Variants in ACBD7 observed in about 807,000 individuals in gnomAD.
ACBD7 encodes the protein acyl-CoA binding domain containing 7.
ACBD7 carries 11 observed loss-of-function variants against 13.7 expected under a neutral mutation model. The ratio of observed to expected loss-of-function variants is 0.80; its 90% CI spans 0.50 to 1.33. ACBD7 has a LOEUF of 1.33. Among genes scored for constraint, ACBD7 ranks in the 40% most tolerant of loss-of-function variants. The pLI is 0.00. For missense variants in ACBD7, 111 were observed against 103.0 expected, an observed-to-expected ratio of 1.08 and a Z score of -0.33; for synonymous variants, 43 against 37.7, an observed-to-expected ratio of 1.14 and a Z score of -0.51.
Position 15,076,592 on chromosome 10 carries a change from T to C in ACBD7, c.*1938A>G. 5.1e-5 allele frequency: 35 copies of C among 692,838 alleles called. No homozygotes were observed. The highest frequency in any genetic ancestry group is 6.0e-5 in the Non-Finnish European group (34 of 563,600). The allele number at this position is 692,838 out of a possible 1,614,324, so 42.9% of individuals were successfully genotyped here. On this transcript the variant is annotated 3_prime_UTR_variant, in exon 4 of 4. Coordinates refer to ENST00000356189, the MANE Select transcript of ACBD7 (RefSeq NM_001039844.3). ...ATCTTGGCTCACTGCAACCTCCATC[T>C]CCTGGGTAAAAGCAATTCTCCTGCC...
In ACBD7 at chr10:15,081,338, T is replaced by C. The variant is rs139876288; in HGVS notation, c.13-2298A>G. On this transcript the variant is annotated intron_variant, in intron 1 of 3. Coordinates refer to ENST00000356189, the MANE Select transcript of ACBD7 (RefSeq NM_001039844.3). ...CCCATTTAGGATTAAACAAGTTTTA[T>C]TGGGGTCTGAAGGAACTCCCCAACC... is the stretch of plus-strand genomic sequence containing the variant. Among the ~76,000 whole-genome samples, 525 of 152,244 alleles carry C rather than the reference T, an allele frequency of 3.4e-3. 3 individuals carry two copies. The highest frequency in any genetic ancestry group is 0.026 in the Admixed American group (391 of 15,274).
At position 15,075,847 on chromosome 10, in the gene ACBD7, A is replaced by T. The variant is rs1221358383; in HGVS notation, c.*2683T>A. On this transcript the variant is annotated 3_prime_UTR_variant, in exon 4 of 4. Coordinates refer to ENST00000356189, the MANE Select transcript of ACBD7 (RefSeq NM_001039844.3). Reference sequence around the variant, plus strand: ...AAATTAGCTGGGCATGGTTGCACGCACCTGTAGTCCCAGCTACTCTGGAGG... The same window carrying T: ...AAATTAGCTGGGCATGGTTGCACGCTCCTGTAGTCCCAGCTACTCTGGAGG... Among the ~76,000 whole-genome samples the T allele has an allele frequency of 6.6e-6, 1 of 151,816 alleles. No homozygotes were observed. Among genetic ancestry groups the T allele is most frequent in the African/African-American group, 2.4e-5 (1 of 41,302 alleles).
intron 1 of ACBD7, among the ~76,000 whole-genome samples, chr10:15,087,028 A>T (rs1432895449): frequency 6.6e-6 from 1 of 151,704 alleles, no homozygotes; most frequent in East Asian, 1.9e-4. Context: ...AAAAAAAAAA[A>T]AAATAGCCAG....
Position 15,076,791 on chromosome 10 carries a change from C to A in ACBD7, c.*1739G>T, listed in dbSNP as rs1178803666. 1 of 985,250 alleles carries A rather than the reference C, an allele frequency of 1.0e-6. No individual in the cohort carries two copies. The highest frequency in any genetic ancestry group is 1.2e-6 in the Non-Finnish European group (1 of 829,898). The allele number at this position is 985,250 out of a possible 1,614,324, so 61.0% of individuals were successfully genotyped here. ...GTGCTGAGATTAGAGGCGTGAGCCA[C>A]CACGCTCAGCCTTGCCATTGATTCT... On this transcript the variant is annotated 3_prime_UTR_variant, in exon 4 of 4. Coordinates refer to ENST00000356189, the MANE Select transcript of ACBD7 (RefSeq NM_001039844.3).
rs376751976 is a variant in ACBD7 at position 15,087,458 on chromosome 10, T to C, written c.12+1259A>G. On this transcript the variant is annotated intron_variant, in intron 1 of 3. Coordinates refer to ENST00000356189, the MANE Select transcript of ACBD7 (RefSeq NM_001039844.3). Reference sequence around the variant, plus strand: ...ATGGTTAAAGAAGTGAGCCACGTTCTATGAAATTTTGTGCATGTAAAAGAT... The same window carrying C: ...ATGGTTAAAGAAGTGAGCCACGTTCCATGAAATTTTGTGCATGTAAAAGAT... 4.6e-5 allele frequency among the ~76,000 whole-genome samples: 7 copies of C among 152,302 alleles called. No homozygotes were observed. The East Asian group carries it at 1.2e-3, about 25-fold the overall frequency.
chr10:15,083,218 T>C (rs1157940897), intron 1 of ACBD7, among the ~76,000 whole-genome samples: 1 of 152,178 alleles, frequency 6.6e-6, no homozygotes. Flanking sequence ...GTCTAGCCTG[T>C]CTGGTTCTGG....
Position 15,076,996 on chromosome 10 carries a change from A to T in ACBD7, c.*1534T>A. The T allele has an allele frequency of 5.5e-6, 5 of 915,260 alleles. No individual in the cohort carries two copies. Among genetic ancestry groups the T allele is most frequent in the Non-Finnish European group, 6.5e-6 (5 of 766,102 alleles). The allele number at this position is 915,260 out of a possible 1,614,324, so 56.7% of individuals were successfully genotyped here. A position where few individuals can be genotyped will look rare whatever the true frequency, so the allele number is the denominator to read the frequency against. The stretch of plus-strand genomic sequence containing the variant: ...TTATACACTATTGGTGGGAATGTAA[A>T]TTAGTACAACCTCTATGAAAAACAG... On this transcript the variant is annotated 3_prime_UTR_variant, in exon 4 of 4. Coordinates refer to ENST00000356189, the MANE Select transcript of ACBD7 (RefSeq NM_001039844.3).
rs10541297 is a variant in ACBD7 at position 15,075,976 on chromosome 10, C to CAAAAAAAAAA, written c.*2544_*2553dup. 2.4e-4 allele frequency: 74 copies of CAAAAAAAAAA among 313,708 alleles called. No homozygotes were observed. The highest frequency in any genetic ancestry group is 4.2e-4 in the East Asian group (2 of 4,732). The allele number at this position is 313,708 out of a possible 1,614,324, so 19.4% of individuals were successfully genotyped here. On this transcript the variant is annotated 3_prime_UTR_variant, in exon 4 of 4. Transcript: ENST00000356189. ...GTAACAGAGTGACAGCCTGTCTCAA[C>CAAAAAAAAAA]AAAAAAAAAAAAAAAAAAAAAGAAA...
At position 15,078,767 on chromosome 10, in the gene ACBD7, G is replaced by A; in HGVS notation, c.131-14C>T. The A allele has an allele frequency of 6.2e-7, 1 of 1,613,356 alleles. No homozygotes were observed. Among genetic ancestry groups the A allele is most frequent in the Non-Finnish European group, 8.5e-7 (1 of 1,179,660 alleles). On this transcript the variant is annotated splice_polypyrimidine_tract_variant and intron_variant, in intron 2 of 3. Coordinates refer to ENST00000356189, the MANE Select transcript of ACBD7 (RefSeq NM_001039844.3). ...TTCCTGGACACGCTGGCAAAAGAAGGAGACATGCATTTGCAGGTTAACATT... is the reference window on the plus strand; with the variant it reads ...TTCCTGGACACGCTGGCAAAAGAAGAAGACATGCATTTGCAGGTTAACATT...
chr10:15,080,013 G>A (rs996027321), intron 1 of ACBD7, among the ~76,000 whole-genome samples: 8 of 151,276 alleles, frequency 5.3e-5, no homozygotes, highest in Non-Finnish European at 8.8e-5. Context: ...TAATACCATC[G>A]TCTAGGGCGT....
rs369003032 is a variant in ACBD7 at position 15,078,680 on chromosome 10, G to A, written c.193+11C>T. The A allele has an allele frequency of 5.0e-6, 8 of 1,613,988 alleles. No homozygotes were observed. Among genetic ancestry groups the A allele is most frequent in the Non-Finnish European group, 6.8e-6 (8 of 1,179,978 alleles). On this transcript the variant is annotated intron_variant, in intron 3 of 3. Coordinates refer to ENST00000356189, the MANE Select transcript of ACBD7 (RefSeq NM_001039844.3). ...GAAAGTTTGCTTTAAACTTGTGAAA[G>A]ACTAAAAAACCTTTTTTGAGGTTCC...
At chr10:15,087,771 C>T (rs1336051968) in intron 1 of ACBD7, among the ~76,000 whole-genome samples, 3 of 148,756 alleles carry the variant, frequency 2.0e-5, no homozygotes, top group African/African-American at 7.5e-5. Context: ...GAGTGAGACT[C>T]CATCTCAAAC....
Position 15,075,976 on chromosome 10 carries a change from CAAAAAAAAAAA to C in ACBD7, c.*2543_*2553del, listed in dbSNP as rs10541297. ...GTAACAGAGTGACAGCCTGTCTCAA[CAAAAAAAAAAA>C]AAAAAAAAAAGAAAAGAAAAAGAAT... On this transcript the variant is annotated 3_prime_UTR_variant, in exon 4 of 4. Coordinates refer to ENST00000356189, the MANE Select transcript of ACBD7 (RefSeq NM_001039844.3). 6.4e-6 allele frequency: 2 copies of C among 313,720 alleles called. No homozygotes were observed. The highest frequency in any genetic ancestry group is 8.3e-6 in the Non-Finnish European group (2 of 240,806). 19.4% of individuals were successfully genotyped at this position (313,720 alleles called of 1,614,324 possible).
chr10:15,078,604 C>G lies in ACBD7; in HGVS notation c.194-1G>C. Reference sequence around the variant, plus strand: ...CTCGTCGCATCTTCCGTCGACAACCCTAGAAAGATACAAACAGGTTATCTC... The same window carrying G: ...CTCGTCGCATCTTCCGTCGACAACCGTAGAAAGATACAAACAGGTTATCTC... On this transcript the variant is annotated splice_acceptor_variant, in intron 3 of 3. Coordinates refer to ENST00000356189, the MANE Select transcript of ACBD7 (RefSeq NM_001039844.3). LOFTEE classifies it high-confidence loss of function. 6.2e-7 allele frequency: 1 copy of G among 1,614,094 alleles called. No homozygotes were observed. The highest frequency in any genetic ancestry group is 8.5e-7 in the Non-Finnish European group (1 of 1,180,008).
intron 1 of ACBD7, among the ~76,000 whole-genome samples, 170 bp from the exon 2 acceptor site, chr10:15,079,210 T>G (rs150411058): frequency 1.3e-5 from 2 of 152,040 alleles, no homozygotes; most frequent in African/African-American, 2.4e-5. Context: ...CTCCTGGGAC[T>G]TACCTAATAT....
intron 1 of ACBD7, chr10:15,088,361 C>T: frequency 2.4e-6 from 1 of 421,200 alleles, no homozygotes; most frequent in Non-Finnish European, 4.2e-6. Flanking sequence ...CTCAGTATGA[C>T]ACTAAGAGAG....
intron 1 of ACBD7, among the ~76,000 whole-genome samples, chr10:15,086,300 C>T (rs1844807460): frequency 6.7e-6 from 1 of 150,214 alleles, no homozygotes; most frequent in South Asian, 2.1e-4. Flanking sequence ...GAGCAAGACA[C>T]CATCTCAAAA....
intron 2 of ACBD7, 51 bp downstream of exon 2, chr10:15,078,872 A>C (rs1219348505): frequency 8.2e-7 from 1 of 1,226,252 alleles, no homozygotes; most frequent in Non-Finnish European, 1.1e-6. Flanking sequence ...AATCGCAATT[A>C]ATATATTAAT....
At chr10:15,083,684 T>C (rs1365087126) in intron 1 of ACBD7, among the ~76,000 whole-genome samples, 1 of 152,166 alleles carries the variant, frequency 6.6e-6, no homozygotes, top group East Asian at 1.9e-4. Flanking sequence ...GGTTTTGCCA[T>C]GTTGGCCAAG....
Sources: allele counts gnomAD v4.1 joint callset (sites outside exome capture counted in the v4.1 genomes callset), GRCh38; gene constraint gnomAD v4.1.1; transcripts MANE v1.5; gene names NCBI Gene and HGNC (gene_info 2026-07-23, HGNC 2026-07-21).